The following TTBK2 variants were observed in gnomAD, a reference collection of about 807,000 sequenced individuals.
The protein encoded by TTBK2 is tau-tubulin kinase 2.
Under a neutral mutation model 110.8 loss-of-function variants are expected in TTBK2, and 28 were observed. That is an observed-to-expected ratio of 0.25 (90% CI 0.19 to 0.35). The LOEUF is 0.35. Among genes scored for constraint, TTBK2 ranks in the 10% least tolerant of loss-of-function variants. The pLI is 1.00. For synonymous variants in TTBK2, 532 were observed against 527.3 expected (o/e 1.01, Z -0.12); for missense variants, 1,369 against 1,500.3 (o/e 0.91, Z 1.45).
At chr15:42,799,475 C>T (rs1891085627) in intron 9 of TTBK2, among the ~76,000 whole-genome samples, 1 of 151,722 alleles carries the variant, frequency 6.6e-6, no homozygotes, top group Non-Finnish European at 1.5e-5. Flanking sequence ...ACTCTGTTGC[C>T]CAGGCTGGAG....
At chr15:42,876,965 C>T (rs1222933721) in intron 2 of TTBK2, among the ~76,000 whole-genome samples, 1 of 152,110 alleles carries the variant, frequency 6.6e-6, no homozygotes, top group African/African-American at 2.4e-5. Context: ...TTCTTAATTA[C>T]ACTAAAAAAC....
At chr15:42,878,025 A>AC (rs1171002398) in intron 2 of TTBK2, among the ~76,000 whole-genome samples, 1 of 151,818 alleles carries the variant, frequency 6.6e-6, no homozygotes, top group African/African-American at 2.4e-5. Flanking sequence ...TAATAAAAAA[A>AC]AAAAAAGAGA....
At chr15:42,810,248 T>G (rs538655178) in intron 9 of TTBK2, among the ~76,000 whole-genome samples, 144 of 152,332 alleles carry the variant, frequency 9.5e-4, no homozygotes, top group African/African-American at 3.4e-3. Context: ...CCTAAAGCCC[T>G]TGACAGATGC....
chr15:42,830,206 A>G lies in TTBK2; in HGVS notation c.292-128T>C. ...ATAGCAAGAATTTTTTTTTTTTTTG[A>G]GAGGGAGTTTCACTCTTGTTGCCCA... On this transcript the variant is annotated intron_variant, in intron 4 of 14. Transcript: ENST00000267890. 4.8e-6 allele frequency: 5 copies of G among 1,048,604 alleles called. No individual in the cohort carries two copies. The South Asian group carries it at 7.2e-5, about 15-fold the overall frequency. The allele number at this position is 1,048,604 out of a possible 1,614,324, so 65.0% of individuals were successfully genotyped here.
chr15:42,920,148 C>T (rs1202154479), intron 1 of TTBK2, among the ~76,000 whole-genome samples: 2 of 152,262 alleles, frequency 1.3e-5, no homozygotes, highest in Middle Eastern at 3.4e-3. Flanking sequence ...GGGTCACCCA[C>T]AGAGAGAGAC....
At chr15:42,912,049 C>T (rs544877648) in intron 1 of TTBK2, among the ~76,000 whole-genome samples, 5 of 152,292 alleles carry the variant, frequency 3.3e-5, no homozygotes, top group East Asian at 3.9e-4. Context: ...CATTCAAAGC[C>T]GTCCTGGGCC....
At chr15:42,841,464 G>A (rs1595972863) in intron 3 of TTBK2, among the ~76,000 whole-genome samples, 2 of 152,144 alleles carry the variant, frequency 1.3e-5, no homozygotes, top group Non-Finnish European at 1.5e-5. Flanking sequence ...GCCCGCCTCA[G>A]CCTCCCAAAG....
chr15:42,913,896 T>G (rs561200272), intron 1 of TTBK2, among the ~76,000 whole-genome samples: 1 of 152,258 alleles, frequency 6.6e-6, no homozygotes, highest in East Asian at 1.9e-4. Flanking sequence ...ATTATGTCTA[T>G]GATCTTCCCA....
intron 4 of TTBK2, among the ~76,000 whole-genome samples, chr15:42,838,748 G>A (rs1210097605): frequency 1.3e-5 from 2 of 151,940 alleles, no homozygotes; most frequent in Admixed American, 6.6e-5. Flanking sequence ...CCTGGGAGAC[G>A]GAGGTTTCAG....
chr15:42,846,764 G>C (rs1893484842), intron 3 of TTBK2, among the ~76,000 whole-genome samples: 2 of 152,178 alleles, frequency 1.3e-5, no homozygotes, highest in Non-Finnish European at 2.9e-5. Context: ...AAGACAAAGT[G>C]CTTAGAGGAG....
At chr15:42,843,223 T>C (rs1893303628) in intron 3 of TTBK2, among the ~76,000 whole-genome samples, 1 of 152,180 alleles carries the variant, frequency 6.6e-6, no homozygotes, top group Non-Finnish European at 1.5e-5. Context: ...AAGCTGGCTA[T>C]GGGAGGAATT....
intron 9 of TTBK2, among the ~76,000 whole-genome samples, chr15:42,800,651 T>C (rs1281870856): frequency 6.6e-6 from 1 of 152,064 alleles, no homozygotes; most frequent in Non-Finnish European, 1.5e-5. Flanking sequence ...GAAAGGCAGA[T>C]TATTTAGAGC....
In TTBK2 at chr15:42,772,919, A is replaced by AAAC. The variant is rs554385514; in HGVS notation, c.1998+2213_1998+2215dup. On this transcript the variant is annotated intron_variant, in intron 13 of 14. Coordinates refer to ENST00000267890, the MANE Select transcript of TTBK2 (RefSeq NM_173500.4). ...AACATGGAAAAACCCTGTCTCTACA[A>AAAC]AACAACAACAACAACAACAACAACA... Among the ~76,000 whole-genome samples, 587 of 152,024 alleles carry AAAC rather than the reference A, an allele frequency of 3.9e-3. 3 individuals carry two copies. The highest frequency in any genetic ancestry group is 0.013 in the African/African-American group (534 of 41,486).
At chr15:42,823,174 G>A (rs1158288042) in intron 6 of TTBK2, among the ~76,000 whole-genome samples, 1 of 152,188 alleles carries the variant, frequency 6.6e-6, no homozygotes, top group African/African-American at 2.4e-5. Context: ...TAGGAAGGGA[G>A]CAACGAGAAA....
At chr15:42,890,583 A>G (rs1895417565) in intron 1 of TTBK2, among the ~76,000 whole-genome samples, 1 of 152,242 alleles carries the variant, frequency 6.6e-6, no homozygotes, top group African/African-American at 2.4e-5. Flanking sequence ...TATTCAGTAT[A>G]GTAGTAAGAA....
intron 2 of TTBK2, among the ~76,000 whole-genome samples, chr15:42,874,976 A>ACT (rs58972803): frequency 1 from 150,291 of 150,296 alleles, 75,143 homozygotes; most frequent in Middle Eastern, 1. Context: ...ACAGTGTGAG[A>ACT]CTGCCTCAAA....
intron 1 of TTBK2, among the ~76,000 whole-genome samples, chr15:42,912,503 G>A (rs1191770654): frequency 6.6e-6 from 1 of 152,134 alleles, no homozygotes; most frequent in Non-Finnish European, 1.5e-5. Context: ...GAGGTCAGGA[G>A]TTCAAGACCA....
At chr15:42,833,320 T>C (rs1005282493) in intron 4 of TTBK2, among the ~76,000 whole-genome samples, 2 of 148,824 alleles carry the variant, frequency 1.3e-5, no homozygotes, top group African/African-American at 2.5e-5. Context: ...AGCAAGTTCA[T>C]TTCTCTATAA....
chr15:42,832,989 TGAA>T (rs1892825443), intron 4 of TTBK2, among the ~76,000 whole-genome samples: 1 of 152,118 alleles, frequency 6.6e-6, no homozygotes, highest in Non-Finnish European at 1.5e-5. Flanking sequence ...ATTCAAAAAA[TGAA>T]GAATCAAGAA....
Sources: gnomAD v4.1 joint callset for allele counts (sites outside exome capture counted in the v4.1 genomes callset) on GRCh38, gnomAD v4.1.1 for gene constraint, MANE v1.5 for transcripts, NCBI Gene and HGNC (gene_info 2026-07-23, HGNC 2026-07-21) for gene names.